KIF1C: variants seen among roughly 807,000 people sequenced by gnomAD.
The protein encoded by KIF1C is kinesin-like protein KIF1C.
Under a neutral mutation model 126.5 loss-of-function variants are expected in KIF1C, and 61 were observed. The observed-to-expected ratio is 0.48, with a 90% CI of 0.39 to 0.60. The LOEUF (loss-of-function observed/expected upper bound fraction) is 0.60. Among genes scored for constraint, KIF1C ranks in the 20% least tolerant of loss-of-function variants. KIF1C has a pLI of 0.00. For synonymous variants in KIF1C, 640 were observed against 580.6 expected, an observed-to-expected ratio of 1.10 and a Z score of -1.47; for missense variants, 1,315 against 1,489.2, an observed-to-expected ratio of 0.88 and a Z score of 1.93.
Position 5,020,604 on chromosome 17 carries a change from A to G in KIF1C, c.1863A>G (p.Pro621=), listed in dbSNP as rs757102564. 1.2e-6 allele frequency: 2 copies of G among 1,614,210 alleles called. No homozygotes were observed. The highest frequency in any genetic ancestry group is 2.2e-5 in the East Asian group (1 of 44,882). The part of the protein sequence containing the change: ...VPPPPGPPSE[P]VDWNFAQKEL... ...CACCCCCAGGACCGCCCTCTGAGCC[A>G]GTCGACTGGAACTTTGCCCAGAAGG... The change falls in exon 20 of 23, where the codon CCA becomes CCG. Residue 621 remains proline, a synonymous_variant. Coordinates refer to ENST00000320785, the MANE Select transcript of KIF1C (RefSeq NM_006612.6). This position sits in a 1 kb window ranked among gnomAD's most constrained non-coding sequence, Gnocchi z 5.8.
In KIF1C at chr17:5,024,377, C is replaced by T. The variant is rs1259079387; in HGVS notation, c.*226C>T. ...CCAAAGTGAAGAGAGAGATAGGAAG[C>T]TGCCTCGGGGCCACCCCTTGCAAAG... On this transcript the variant is annotated 3_prime_UTR_variant, in exon 23 of 23. Coordinates refer to ENST00000320785, the MANE Select transcript of KIF1C (RefSeq NM_006612.6). The T allele has an allele frequency of 3.7e-5, 16 of 433,508 alleles. No homozygotes were observed. The highest frequency in any genetic ancestry group is 6.1e-5 in the Non-Finnish European group (15 of 244,964). 26.9% of individuals were successfully genotyped at this position (433,508 alleles called of 1,614,324 possible).
At position 5,007,449 on chromosome 17, in the gene KIF1C, C is replaced by T; in HGVS notation, c.1416-18C>T. The T allele has an allele frequency of 6.2e-7, 1 of 1,605,456 alleles. No homozygotes were observed. Among genetic ancestry groups the T allele is most frequent in the Non-Finnish European group, 8.5e-7 (1 of 1,174,750 alleles). On this transcript the variant is annotated intron_variant, in intron 15 of 22. Transcript: ENST00000320785. The stretch of plus-strand genomic sequence containing the variant: ...GCAGTGAAGGTAAGACTGACATTTG[C>T]CTCTCCTCTGCCCACAGAGAAGCAT...
At chr17:5,008,328 A>T (rs1974780907) in intron 16 of KIF1C, among the ~76,000 whole-genome samples, 1 of 152,176 alleles carries the variant, frequency 6.6e-6, no homozygotes, top group East Asian at 1.9e-4. Flanking sequence ...GCACCGCTGT[A>T]CCGGTGCATA....
chr17:5,008,205 AGCAG>A (rs1974778496), intron 16 of KIF1C, among the ~76,000 whole-genome samples: 1 of 152,150 alleles, frequency 6.6e-6, no homozygotes, highest in South Asian at 2.1e-4. Flanking sequence ...GGAAGGAAGG[AGCAG>A]GGCGGGAGAG....
intron 16 of KIF1C, 150 bp downstream of exon 16, chr17:5,007,692 C>T: frequency 1.8e-6 from 1 of 552,558 alleles, no homozygotes; most frequent in East Asian, 3.0e-5. Flanking sequence ...TCCCCTGCCA[C>T]CTCCTCTCCG....
chr17:5,020,563 G>A lies in KIF1C; in HGVS notation c.1822G>A (p.Glu608Lys). The A allele has an allele frequency of 6.2e-7, 1 of 1,614,228 alleles. No homozygotes were observed. The stretch of plus-strand genomic sequence containing the variant: ...CCCGGAGCAGGCAAGGCTGGAACGG[G>A]AACGAGGGGTCCCCCCACCCCCAGG... ...NHPEQARLER[E>K]RGVPPPPGPP... The change falls in exon 20 of 23, where the codon GAA (glutamate) becomes AAA (lysine). Residue 608 changes from glutamate (E) to lysine (K), a missense_variant. By Grantham distance (56) the Glu-to-Lys change is moderately conservative. This residue lies in a region of KIF1C where 874 missense variants were observed against 1,053.2 expected (regional missense o/e 0.83). Coordinates refer to ENST00000320785, the MANE Select transcript of KIF1C (RefSeq NM_006612.6). This position sits in a 1 kb window ranked among gnomAD's most constrained non-coding sequence, Gnocchi z 5.8.
At position 5,003,647 on chromosome 17, in the gene KIF1C, T is replaced by C; in HGVS notation, c.756T>C (p.Ser252=). 2 of 1,613,412 alleles carry C rather than the reference T, an allele frequency of 1.2e-6. No homozygotes were observed. Among genetic ancestry groups the C allele is most frequent in the South Asian group, 2.2e-5 (2 of 90,996 alleles). ...TCAGTTTGGTGGACCTTGCTGGGAG[T>C]GAGCGAGCCGACTCCTCAGGGGCCC... ...SKISLVDLAG[S]ERADSSGARG... The change falls in exon 9 of 23, where the codon AGT becomes AGC. Residue 252 remains serine, a synonymous_variant. Transcript: ENST00000320785.
At chr17:4,998,478 C>T (rs1022467704) in intron 1 of KIF1C, among the ~76,000 whole-genome samples, 3 of 152,180 alleles carry the variant, frequency 2.0e-5, no homozygotes, top group Admixed American at 2.0e-4. Flanking sequence ...TTGTACCCCA[C>T]GGCTCCTTCA....
intron 13 of KIF1C, among the ~76,000 whole-genome samples, chr17:5,006,068 G>T (rs957854116): frequency 9.3e-5 from 14 of 150,944 alleles, no homozygotes; most frequent in African/African-American, 3.2e-4. Flanking sequence ...TTAGCTAGGT[G>T]TGGTGGCACG....
rs1343791311 is a variant in KIF1C, at chr17:5,022,202, T to C, written c.2121T>C (p.Ile707=). The change falls in exon 22 of 23, where the codon ATT becomes ATC. Residue 707 remains isoleucine, a synonymous_variant. Coordinates refer to ENST00000320785, the MANE Select transcript of KIF1C (RefSeq NM_006612.6). This position sits in a 1 kb window ranked among gnomAD's most constrained non-coding sequence, Gnocchi z 4.9. ...TGCCGCCCACCACGGTCCAGACCAT[T>C]GTCAAACGCTGTGGTCTGCCCAGCA... ...EQLPPTTVQT[I]VKRCGLPSSG... 2.6e-5 allele frequency: 42 copies of C among 1,614,148 alleles called. No homozygotes were observed. The highest frequency in any genetic ancestry group is 3.3e-5 in the Non-Finnish European group (39 of 1,180,038).
At position 5,022,380 on chromosome 17, in the gene KIF1C, G is replaced by C; in HGVS notation, c.2299G>C (p.Gly767Arg). Residue 767 changes from glycine to arginine, a missense_variant, in exon 22 of 23, where the codon GGG becomes CGG. By Grantham distance (125) the Gly-to-Arg change is moderately radical. This residue lies in a region of KIF1C where 874 missense variants were observed against 1,053.2 expected (regional missense o/e 0.83). Transcript: ENST00000320785. The surrounding 1 kb of genome is among the most constrained non-coding windows in gnomAD (Gnocchi z 4.9). ...GGTGGCCCTGGCTGACTTCCGCCAC[G>C]GGCGGGCTGAGATTGAGGCCCTGGC... is the stretch of plus-strand genomic sequence containing the variant. ...YEVALADFRH[G>R]RAEIEALAAL... 1 of 1,581,322 alleles carries C rather than the reference G, an allele frequency of 6.3e-7. No individual in the cohort carries two copies. Among genetic ancestry groups the C allele is most frequent in the Non-Finnish European group, 8.6e-7 (1 of 1,162,698 alleles).
intron 18 of KIF1C, among the ~76,000 whole-genome samples, 198 bp downstream of exon 18, chr17:5,015,035 C>T (rs575374501): frequency 3.2e-4 from 48 of 152,280 alleles, no homozygotes; most frequent in African/African-American, 1.1e-3. Flanking sequence ...CTGCACCCAC[C>T]CTGAGAAGAC....
chr17:5,004,715 T>A, intron 12 of KIF1C, 70 bp downstream of exon 12: 1 of 1,588,418 alleles, frequency 6.3e-7, no homozygotes, highest in Non-Finnish European at 8.6e-7. Flanking sequence ...GGCGAGTTGC[T>A]CAGGACCCTG....
At chr17:5,013,536 A>G in intron 16 of KIF1C, 117 bp from the exon 17 acceptor site, 1 of 711,462 alleles carries the variant, frequency 1.4e-6, no homozygotes, top group Non-Finnish European at 2.5e-6. Context: ...CTCCAGAGTG[A>G]GGGGGCGCAG....
intron 18 of KIF1C, 146 bp from the exon 19 acceptor site, chr17:5,019,850 G>A: frequency 1.6e-6 from 1 of 642,038 alleles, no homozygotes; most frequent in South Asian, 1.8e-5. Context: ...TGCCACCAGA[G>A]GGGCCATGGC....
At position 5,002,833 on chromosome 17, in the gene KIF1C, C is replaced by A; in HGVS notation, c.711C>A (p.Asp237Glu). The A allele has an allele frequency of 1.2e-6, 2 of 1,606,968 alleles. No homozygotes were observed. Among genetic ancestry groups the A allele is most frequent in the Non-Finnish European group, 1.7e-6 (2 of 1,177,148 alleles). ...GCCATGACCAGCTCACGGGGCTGGA[C>A]TCGGAGAAGGTGGGATCGCCCCCCC... ...QRCHDQLTGLDSEKVSKISLV... is the reference protein window; with the variant it reads ...QRCHDQLTGLESEKVSKISLV... The change falls in exon 8 of 23, where the codon GAC becomes GAA. Residue 237 changes from aspartate to glutamate, a missense_variant. Physicochemically the swap from Asp to Glu is conservative, Grantham distance 45. Around this residue, in one of 2 missense-constraint regions of KIF1C, gnomAD observed 874 missense variants for 1,053.2 expected, o/e 0.83. Transcript: ENST00000320785.
Position 5,022,725 on chromosome 17 carries a change from T to C in KIF1C, c.2628+16T>C. 1.3e-6 allele frequency: 2 copies of C among 1,506,622 alleles called. No homozygotes were observed. The highest frequency in any genetic ancestry group is 2.8e-5 in the African/African-American group (2 of 71,968). The allele number at this position is 1,506,622 out of a possible 1,614,324, so 93.3% of individuals were successfully genotyped here. The stretch of plus-strand genomic sequence containing the variant: ...CCTGGCCCAGGTAGGACTGGCCTTC[T>C]GCCTCCCTTCTCTCCTCCCTCGGCT... On this transcript the variant is annotated intron_variant, in intron 22 of 22. Coordinates refer to ENST00000320785, the MANE Select transcript of KIF1C (RefSeq NM_006612.6). This position sits in a 1 kb window ranked among gnomAD's most constrained non-coding sequence, Gnocchi z 4.9.
At chr17:4,998,964 G>C (rs1974482917) in intron 1 of KIF1C, 1 of 152,256 alleles carries the variant, frequency 6.6e-6, no homozygotes, top group Non-Finnish European at 1.5e-5. Flanking sequence ...CTAGCCCCAG[G>C]TTGGGGCTGG....
rs746521760 is a variant in KIF1C at position 5,022,483 on chromosome 17, G to T, written c.2402G>T (p.Arg801Leu). 2 of 1,586,364 alleles carry T rather than the reference G, an allele frequency of 1.3e-6. No homozygotes were observed. The highest frequency in any genetic ancestry group is 3.6e-5 in the Admixed American group (2 of 55,790). The change falls in exon 22 of 23, where the codon CGG (arginine) becomes CTG (leucine). Residue 801 changes from arginine to leucine, a missense_variant. Coordinates refer to ENST00000320785, the MANE Select transcript of KIF1C (RefSeq NM_006612.6). This position sits in a 1 kb window ranked among gnomAD's most constrained non-coding sequence, Gnocchi z 4.9. ...GGAGACGCCTGGAGGGCTGTGGCCCGGGATGTCTGGGACACTGTAGGCGAG... is the reference window on the plus strand; with the variant it reads ...GGAGACGCCTGGAGGGCTGTGGCCCTGGATGTCTGGGACACTGTAGGCGAG... ...GPGDAWRAVA[R>L]DVWDTVGEEE...
Sources: allele counts gnomAD v4.1 joint callset (sites outside exome capture counted in the v4.1 genomes callset), GRCh38; gene constraint gnomAD v4.1.1; regional missense constraint gnomAD v4.1.1; non-coding constraint Gnocchi (gnomAD v3.1); transcripts MANE v1.5; gene names NCBI Gene and HGNC (gene_info 2026-07-23, HGNC 2026-07-21).